CPNE8: variants seen among roughly 807,000 people sequenced by gnomAD.
CPNE8 encodes copine-8.
A neutral mutation model predicts 81.5 loss-of-function variants in CPNE8; 45 were observed. That is an observed-to-expected ratio of 0.55 (90% CI 0.44 to 0.71). The LOEUF (loss-of-function observed/expected upper bound fraction) is 0.71. CPNE8 is among the 30% of genes least tolerant of loss of function. The pLI, the probability that CPNE8 is intolerant of heterozygous loss-of-function variation, is 0.00. For missense variants in CPNE8, 594 were observed against 672.1 expected, an observed-to-expected ratio of 0.88 and a Z score of 1.28; for synonymous variants, 252 against 226.3, an observed-to-expected ratio of 1.11 and a Z score of -1.02.
chr12:38,707,740 T>C (rs1264883072), intron 13 of CPNE8, among the ~76,000 whole-genome samples: 1 of 152,218 alleles, frequency 6.6e-6, no homozygotes, highest in Non-Finnish European at 1.5e-5. Context: ...TTTATTACTT[T>C]GAATCAGCAG....
chr12:38,846,595 T>TA lies in CPNE8; in HGVS notation c.290+1963dup, dbSNP rs1236363280. On this transcript the variant is annotated intron_variant, in intron 4 of 19. Transcript: ENST00000331366. ...AATTCAATTCTTGGAACAGGTGCTA[T>TA]AAGTGCTTTTTCCCCCTGGCCTGTT... Among the ~76,000 whole-genome samples the TA allele has an allele frequency of 5.9e-5, 9 of 152,242 alleles. No homozygotes were observed. In the East Asian group the frequency reaches 1.5e-3, roughly 26 times the overall value.
chr12:38,703,370 T>C (rs965463250), intron 13 of CPNE8, among the ~76,000 whole-genome samples: 1 of 152,158 alleles, frequency 6.6e-6, no homozygotes, highest in African/African-American at 2.4e-5. Flanking sequence ...AACTAATTCT[T>C]TTTGACAATC....
chr12:38,861,212 T>C (rs1357498910), intron 3 of CPNE8, among the ~76,000 whole-genome samples: 1 of 151,990 alleles, frequency 6.6e-6, no homozygotes, highest in Non-Finnish European at 1.5e-5. Context: ...CACAGAATGG[T>C]GGGTGCCACT....
intron 1 of CPNE8, among the ~76,000 whole-genome samples, chr12:38,902,029 A>G (rs1944471092): frequency 6.6e-6 from 1 of 152,074 alleles, no homozygotes; most frequent in Admixed American, 6.6e-5. Flanking sequence ...AGACTAAATT[A>G]TTTCCATGAA....
intron 19 of CPNE8, among the ~76,000 whole-genome samples, chr12:38,656,230 T>C (rs758961710): frequency 2.6e-5 from 4 of 151,866 alleles, no homozygotes; most frequent in Non-Finnish European, 5.9e-5. Context: ...TAACTATAAT[T>C]TACTTAATTC....
At chr12:38,853,968 G>GA (rs1335440014) in intron 3 of CPNE8, among the ~76,000 whole-genome samples, 2 of 151,856 alleles carry the variant, frequency 1.3e-5, no homozygotes, top group Non-Finnish European at 2.9e-5. Flanking sequence ...AAGTGATGAA[G>GA]AAAAAAGGTC....
intron 1 of CPNE8, 33 bp downstream of exon 1, chr12:38,905,404 G>A (rs1944554098): frequency 6.5e-7 from 1 of 1,546,796 alleles, no homozygotes. Flanking sequence ...ACAGATGAGA[G>A]GGCAGGAGAG....
chr12:38,774,305 A>C (rs1239577532), intron 7 of CPNE8, among the ~76,000 whole-genome samples: 1 of 152,172 alleles, frequency 6.6e-6, no homozygotes, highest in Non-Finnish European at 1.5e-5. Flanking sequence ...ATAGCATGTT[A>C]ATATCACCAA....
chr12:38,851,934 G>A (rs1943653473), intron 3 of CPNE8, among the ~76,000 whole-genome samples: 1 of 151,938 alleles, frequency 6.6e-6, no homozygotes, highest in African/African-American at 2.4e-5. Context: ...CATGGCCTTT[G>A]CACCTGCTAT....
intron 6 of CPNE8, among the ~76,000 whole-genome samples, chr12:38,819,632 TG>T (rs1313006569): frequency 4.0e-5 from 6 of 151,888 alleles, no homozygotes; most frequent in Non-Finnish European, 7.4e-5. Context: ...CCGGGCGTGA[TG>T]GCGGGCGCCT....
At chr12:38,748,306 C>G (rs561326575) in intron 10 of CPNE8, among the ~76,000 whole-genome samples, 1 of 152,178 alleles carries the variant, frequency 6.6e-6, no homozygotes, top group South Asian at 2.1e-4. Flanking sequence ...CAACCCCATC[C>G]GAACGCAATA....
intron 3 of CPNE8, among the ~76,000 whole-genome samples, chr12:38,863,204 G>A (rs1048368197): frequency 2.0e-5 from 3 of 152,184 alleles, no homozygotes; most frequent in African/African-American, 7.2e-5. Context: ...TACAAGCAGT[G>A]TTATGCCAAT....
At chr12:38,740,065 T>C (rs1941057587) in intron 10 of CPNE8, among the ~76,000 whole-genome samples, 1 of 152,182 alleles carries the variant, frequency 6.6e-6, no homozygotes, top group African/African-American at 2.4e-5. Context: ...TTTCTATAGA[T>C]CTAAACAAAA....
intron 13 of CPNE8, among the ~76,000 whole-genome samples, chr12:38,714,835 C>T (rs748140577): frequency 4.0e-4 from 61 of 152,060 alleles, no homozygotes; most frequent in Admixed American, 1.7e-3. Context: ...GTTTCACAAA[C>T]AATCAAGCTG....
At chr12:38,825,786 C>G (rs1386245670) in intron 6 of CPNE8, among the ~76,000 whole-genome samples, 2 of 152,152 alleles carry the variant, frequency 1.3e-5, no homozygotes, top group Admixed American at 1.3e-4. Context: ...ATGTTTTTTC[C>G]AGTCCATTGT....
intron 6 of CPNE8, among the ~76,000 whole-genome samples, chr12:38,824,797 C>T (rs1943163606): frequency 6.6e-6 from 1 of 152,086 alleles, no homozygotes; most frequent in African/African-American, 2.4e-5. Context: ...TGGAGGTGTC[C>T]TATGCTGCAA....
At chr12:38,865,538 T>C (rs1406467392) in intron 3 of CPNE8, among the ~76,000 whole-genome samples, 1 of 152,204 alleles carries the variant, frequency 6.6e-6, no homozygotes, top group Non-Finnish European at 1.5e-5. Flanking sequence ...ATTCTATGTA[T>C]ATAAAAGGCT....
chr12:38,769,770 C>G (rs1158570976), intron 7 of CPNE8, among the ~76,000 whole-genome samples: 1 of 152,060 alleles, frequency 6.6e-6, no homozygotes, highest in Admixed American at 6.6e-5. Flanking sequence ...ATTATAAAAG[C>G]ATGAATTTTC....
chr12:38,752,275 G>A (rs1941366245), intron 10 of CPNE8, among the ~76,000 whole-genome samples: 1 of 152,164 alleles, frequency 6.6e-6, no homozygotes, highest in South Asian at 2.1e-4. Flanking sequence ...CAGTCTGCAA[G>A]GTTCGGGTTG....
Sources: gnomAD v4.1 joint callset for allele counts (sites outside exome capture counted in the v4.1 genomes callset) on GRCh38, gnomAD v4.1.1 for gene constraint, MANE v1.5 for transcripts, NCBI Gene and HGNC (gene_info 2026-07-23, HGNC 2026-07-21) for gene names.